The following RGPD3 variants were observed in gnomAD, a reference collection of about 807,000 sequenced individuals.
RGPD3 encodes the protein ranBP2-like and GRIP domain-containing protein 3.
In RGPD3, 62 loss-of-function variants were observed where a neutral mutation model predicts 154.5. The observed-to-expected ratio is 0.40, with a 90% CI of 0.33 to 0.50. The LOEUF is 0.50. RGPD3 is among the 20% of genes least tolerant of loss of function. RGPD3 has a pLI of 0.59. For missense variants in RGPD3, 919 were observed against 1,716.8 expected (o/e 0.54, Z 8.21); for synonymous variants, 308 against 607.0 (o/e 0.51, Z 7.24).
At chr2:106,464,537 A>C (rs888350655) in intron 1 of RGPD3, among the ~76,000 whole-genome samples, 3 of 151,238 alleles carry the variant, frequency 2.0e-5, no homozygotes, top group East Asian at 3.9e-4. Context: ...ATTTATGCCC[A>C]AAAATTTGAT....
chr2:106,448,647 T>A (rs1004049106), intron 6 of RGPD3, among the ~76,000 whole-genome samples: 2 of 150,348 alleles, frequency 1.3e-5, no homozygotes, highest in East Asian at 1.9e-4. Flanking sequence ...ACCAAAAAAA[T>A]TTATATATTA....
intron 1 of RGPD3, among the ~76,000 whole-genome samples, chr2:106,465,243 C>T (rs1180807980): frequency 6.6e-6 from 1 of 151,834 alleles, no homozygotes; most frequent in Non-Finnish European, 1.5e-5. Flanking sequence ...TCCAAAGCAC[C>T]CTGTTTTGTC....
chr2:106,409,736 A>G (rs1288635070), intron 22 of RGPD3, among the ~76,000 whole-genome samples: 1 of 151,068 alleles, frequency 6.6e-6, no homozygotes, highest in Non-Finnish European at 1.5e-5. Context: ...TTCATATATT[A>G]TCTGTGCTGT....
intron 22 of RGPD3, among the ~76,000 whole-genome samples, chr2:106,411,833 C>A (rs902518765): frequency 6.6e-6 from 1 of 151,976 alleles, no homozygotes; most frequent in Non-Finnish European, 1.5e-5. Context: ...AACAAAAACA[C>A]AACAACAAAA....
rs1189602572 is a variant in RGPD3, at chr2:106,418,059, C to T, written c.4925-2070G>A. 4.1e-5 allele frequency among the ~76,000 whole-genome samples: 6 copies of T among 144,590 alleles called. 1 individual carries two copies. The highest frequency in any genetic ancestry group is 4.7e-4 in the South Asian group (2 of 4,272). 94.9% of individuals were successfully genotyped at this position (144,590 alleles called of 152,430 possible). ...CAGAGAACTGCTGGAAGCCAGGAGGCGGAGGTTGTAGTGAGCCAAGATCAC... is the reference window on the plus strand; with the variant it reads ...CAGAGAACTGCTGGAAGCCAGGAGGTGGAGGTTGTAGTGAGCCAAGATCAC... On this transcript the variant is annotated intron_variant, in intron 20 of 22. Coordinates refer to ENST00000409886, the MANE Select transcript of RGPD3 (RefSeq NM_001144013.2).
chr2:106,408,974 C>T (rs1378189198), intron 22 of RGPD3, among the ~76,000 whole-genome samples: 7 of 151,814 alleles, frequency 4.6e-5, no homozygotes, highest in African/African-American at 1.2e-4. Flanking sequence ...GTGTGAGTCA[C>T]TGAGCCCAGC....
chr2:106,415,813 T>C (rs377214401), intron 21 of RGPD3, 37 bp downstream of exon 21: 40 of 1,611,282 alleles, frequency 2.5e-5, no homozygotes, highest in Non-Finnish European at 3.4e-5. Flanking sequence ...AAAACCAAAC[T>C]GGCAGTTTTT....
Position 106,456,966 on chromosome 2 carries a change from T to C in RGPD3, c.405+5A>G. 6.2e-7 allele frequency: 1 copy of C among 1,606,230 alleles called. No individual in the cohort carries two copies. Among genetic ancestry groups the C allele is most frequent in the Admixed American group, 1.7e-5 (1 of 58,336 alleles). ...GTTTTCTCCCTTTATGTTTTGTTTG[T>C]TTACCTTTAGTTTATAAATTGCAGG... On this transcript the variant is annotated splice_donor_5th_base_variant and intron_variant, in intron 4 of 22. Coordinates refer to ENST00000409886, the MANE Select transcript of RGPD3 (RefSeq NM_001144013.2).
intron 20 of RGPD3, 110 bp downstream of exon 20, chr2:106,422,933 T>C: frequency 6.3e-7 from 1 of 1,596,462 alleles, no homozygotes; most frequent in Non-Finnish European, 8.5e-7. Flanking sequence ...TTAGGGGTGT[T>C]CACAAAGCAT....
At position 106,421,662 on chromosome 2, in the gene RGPD3, C is replaced by T. The variant is rs563762399; in HGVS notation, c.4924+1381G>A. Among the ~76,000 whole-genome samples, 1,033 of 152,076 alleles carry T rather than the reference C, an allele frequency of 6.8e-3. 15 individuals carry two copies. The highest frequency in any genetic ancestry group is 0.023 in the African/African-American group (955 of 41,366). ...GCTGTAGAATGCTGGCTGTTAAAAA[C>T]GGGGGTCCATTTTCAAATACAACAT... is the stretch of plus-strand genomic sequence containing the variant. On this transcript the variant is annotated intron_variant, in intron 20 of 22. Transcript: ENST00000409886.
intron 1 of RGPD3, among the ~76,000 whole-genome samples, chr2:106,466,882 G>A (rs1678621068): frequency 1.1e-5 from 1 of 90,868 alleles, no homozygotes; most frequent in Non-Finnish European, 2.3e-5. Context: ...CGAGGCCGCC[G>A]CCGGGCCGGG....
intron 1 of RGPD3, 42 bp downstream of exon 1, chr2:106,468,175 C>G: frequency 6.4e-7 from 1 of 1,569,106 alleles, no homozygotes; most frequent in Non-Finnish European, 8.6e-7. Flanking sequence ...AGGCCGCCGC[C>G]CGGCCAGGTC....
chr2:106,448,054 A>G (rs1677986426), intron 6 of RGPD3, among the ~76,000 whole-genome samples: 1 of 150,980 alleles, frequency 6.6e-6, no homozygotes, highest in Admixed American at 6.6e-5. Flanking sequence ...TTGAGTATCA[A>G]TACAGTAATT....
At chr2:106,427,331 T>C (rs1677232065) in intron 18 of RGPD3, among the ~76,000 whole-genome samples, 1 of 151,698 alleles carries the variant, frequency 6.6e-6, no homozygotes, top group Non-Finnish European at 1.5e-5. Context: ...CCTGACAAAT[T>C]CATGCACAGG....
rs1678263343 is a variant in RGPD3 at position 106,457,350 on chromosome 2, A to C, written c.252+217T>G. ...ATTATATTTGTGTCATTTGAATGCA[A>C]AAAACACAAAAGAACACCATTTCTG... On this transcript the variant is annotated intron_variant, in intron 3 of 22. Coordinates refer to ENST00000409886, the MANE Select transcript of RGPD3 (RefSeq NM_001144013.2). Among the ~76,000 whole-genome samples, 4 of 152,268 alleles carry C rather than the reference A, an allele frequency of 2.6e-5. No homozygotes were observed. In the South Asian group the frequency reaches 6.2e-4, roughly 24 times the overall value.
chr2:106,432,278 C>T (rs1361288870), intron 17 of RGPD3, among the ~76,000 whole-genome samples: 1 of 148,082 alleles, frequency 6.8e-6, no homozygotes, highest in Admixed American at 6.9e-5. Context: ...CATGGTGAAA[C>T]TCTGTGTCTA....
At chr2:106,464,449 G>A (rs1044465632) in intron 1 of RGPD3, among the ~76,000 whole-genome samples, 4 of 151,438 alleles carry the variant, frequency 2.6e-5, no homozygotes, top group Admixed American at 2.6e-4. Context: ...AGATGTAAAG[G>A]GCAGAAAAAA....
intron 7 of RGPD3, among the ~76,000 whole-genome samples, chr2:106,443,699 T>G (rs1677830784): frequency 8.1e-6 from 1 of 123,312 alleles, no homozygotes; most frequent in African/African-American, 3.1e-5. Flanking sequence ...TTTTTTTTTT[T>G]TTTTGAGATG....
At chr2:106,466,238 G>A (rs1678580443) in intron 1 of RGPD3, among the ~76,000 whole-genome samples, 1 of 152,142 alleles carries the variant, frequency 6.6e-6, no homozygotes. Flanking sequence ...GTCCCCCCAG[G>A]ACTCTTCCTG....
Sources: gnomAD v4.1 joint callset for allele counts (sites outside exome capture counted in the v4.1 genomes callset) on GRCh38, gnomAD v4.1.1 for gene constraint, MANE v1.5 for transcripts, NCBI Gene and HGNC (gene_info 2026-07-23, HGNC 2026-07-21) for gene names.